Variants in SELP observed in about 807,000 individuals in gnomAD.
SELP encodes selectin P.
In SELP, 92 loss-of-function variants were observed where a neutral mutation model predicts 104.1. That is an observed-to-expected ratio of 0.88 (90% CI 0.75 to 1.05). The LOEUF (loss-of-function observed/expected upper bound fraction) is 1.05, where lower values mean the gene tolerates loss of function less well. SELP is among the 50% of genes least tolerant of loss of function. SELP has a pLI of 0.00. For synonymous variants in SELP, 397 were observed against 364.5 expected (o/e 1.09, Z -1.01); for missense variants, 1,022 against 1,017.3 (o/e 1.00, Z -0.06).
At chr1:169,620,943 G>T (rs1663079517) in intron 1 of SELP, among the ~76,000 whole-genome samples, 1 of 139,616 alleles carries the variant, frequency 7.2e-6, no homozygotes, top group Non-Finnish European at 1.6e-5. Flanking sequence ...GGGACAGTGT[G>T]GGGTTCTGTG....
At chr1:169,607,657 G>A (rs1295981692) in intron 8 of SELP, among the ~76,000 whole-genome samples, 2 of 152,134 alleles carry the variant, frequency 1.3e-5, no homozygotes, top group African/African-American at 2.4e-5. Context: ...TCTCAAAGAT[G>A]TAAAATAAAT....
At chr1:169,622,118 T>C (rs899600705) in intron 1 of SELP, among the ~76,000 whole-genome samples, 1 of 152,268 alleles carries the variant, frequency 6.6e-6, no homozygotes, top group Non-Finnish European at 1.5e-5. Flanking sequence ...ATTTCTTATT[T>C]ATTCCAGAGC....
Position 169,605,416 on chromosome 1 carries a change from GTTCATTCA to G in SELP, c.1519+1525_1519+1532del, listed in dbSNP as rs3917762. ...AATTCTGCTGTTTGCTTGTCCATTT[GTTCATTCA>G]TTCATTCATTCATTCATTCATTCAT... On this transcript the variant is annotated intron_variant, in intron 9 of 16. Transcript: ENST00000263686. Among the ~76,000 whole-genome samples, 78 of 148,430 alleles carry G rather than the reference GTTCATTCA, an allele frequency of 5.3e-4. No individual in the cohort carries two copies. The East Asian group carries it at 8.6e-3, about 16-fold the overall frequency.
intron 12 of SELP, among the ~76,000 whole-genome samples, chr1:169,595,188 C>A (rs1054277536): frequency 3.3e-5 from 5 of 152,122 alleles, no homozygotes; most frequent in South Asian, 2.1e-4. Context: ...TCTTAAAATA[C>A]TGTTAGTCTA....
intron 8 of SELP, among the ~76,000 whole-genome samples, chr1:169,607,575 A>C (rs1179177389): frequency 6.6e-6 from 1 of 152,154 alleles, no homozygotes; most frequent in Non-Finnish European, 1.5e-5. Flanking sequence ...TTAACTTGTA[A>C]AGATAGGAGA....
intron 3 of SELP, among the ~76,000 whole-genome samples, chr1:169,616,505 G>T (rs915451673): frequency 1.3e-5 from 2 of 152,122 alleles, no homozygotes; most frequent in African/African-American, 2.4e-5. Context: ...GACTAAATTT[G>T]ACTAATATTA....
intron 8 of SELP, among the ~76,000 whole-genome samples, chr1:169,608,018 G>A (rs111275916): frequency 6.6e-6 from 1 of 152,026 alleles, no homozygotes; most frequent in Non-Finnish European, 1.5e-5. Context: ...CTTATGATCC[G>A]TTTTAAGTGT....
At position 169,607,073 on chromosome 1, in the gene SELP, G is replaced by T. The variant is rs148376334; in HGVS notation, c.1395C>A (p.Phe465Leu). ...NEARVNCSHP[F>L]GAFRYQSVCS... Reference sequence around the variant, plus strand: ...AGACTGACTGGTACCTAAAGGCACCGAAGGGGTGGGAGCAGTTCACCCGGG... The same window carrying T: ...AGACTGACTGGTACCTAAAGGCACCTAAGGGGTGGGAGCAGTTCACCCGGG... Residue 465 changes from phenylalanine to leucine, a missense_variant, in exon 9 of 17, where the codon TTC (phenylalanine) becomes TTA (leucine). Phe to Leu is a conservative substitution (Grantham distance 22). Transcript: ENST00000263686. 9.9e-6 allele frequency: 16 copies of T among 1,613,054 alleles called. No individual in the cohort carries two copies. In the East Asian group the frequency reaches 2.2e-4, roughly 22 times the overall value.
intron 10 of SELP, among the ~76,000 whole-genome samples, chr1:169,598,833 G>T (rs1661756921): frequency 6.6e-6 from 1 of 152,114 alleles, no homozygotes; most frequent in South Asian, 2.1e-4. Context: ...ATACAGTAAT[G>T]AATACAATTT....
At chr1:169,617,992 C>T (rs1290197637) in intron 2 of SELP, among the ~76,000 whole-genome samples, 2 of 152,196 alleles carry the variant, frequency 1.3e-5, no homozygotes, top group East Asian at 3.8e-4. Flanking sequence ...TTCTCCATGG[C>T]TTTCCCAGGT....
chr1:169,591,424 A>ACCT lies in SELP; in HGVS notation c.2437_2438+1dup. 2 of 1,580,794 alleles carry ACCT rather than the reference A, an allele frequency of 1.3e-6. No individual in the cohort carries two copies. Among genetic ancestry groups the ACCT allele is most frequent in the Non-Finnish European group, 8.6e-7 (1 of 1,162,104 alleles). ...CTCAATCATAAAACATTTCTACCTT[A>ACCT]CCTGTGAGGATTCAAGGGGCATTTC... is the stretch of plus-strand genomic sequence containing the variant. On this transcript the variant is annotated splice_donor_variant, in intron 15 of 16. Transcript: ENST00000263686. LOFTEE classifies it high-confidence loss of function.
Position 169,607,058 on chromosome 1 carries a change from G to A in SELP, c.1410C>T (p.Tyr470=). Residue 470 remains tyrosine, a synonymous_variant, in exon 9 of 17, where the codon TAC becomes TAT. Transcript: ENST00000263686. ...TGCAGGTGAAGCTGCAGACTGACTG[G>A]TACCTAAAGGCACCGAAGGGGTGGG... ...NCSHPFGAFR[Y]QSVCSFTCNE... The A allele has an allele frequency of 4.3e-6, 7 of 1,613,432 alleles. No individual in the cohort carries two copies. The highest frequency in any genetic ancestry group is 5.9e-6 in the Non-Finnish European group (7 of 1,179,468).
intron 9 of SELP, among the ~76,000 whole-genome samples, chr1:169,605,596 G>C (rs1018540777): frequency 4.6e-5 from 7 of 152,058 alleles, no homozygotes; most frequent in Non-Finnish European, 1.0e-4. Context: ...AATGTTGAAA[G>C]TCTATACAAA....
intron 13 of SELP, 64 bp from the exon 14 acceptor site, chr1:169,593,788 C>T: frequency 6.4e-7 from 1 of 1,569,032 alleles, no homozygotes; most frequent in African/African-American, 1.4e-5. Flanking sequence ...ACTAGTCTTT[C>T]TCTCCCAGAA....
Position 169,593,523 on chromosome 1 carries a change from G to T in SELP, c.2407+82C>A. 3 of 1,253,968 alleles carry T rather than the reference G, an allele frequency of 2.4e-6. 1 individual carries two copies. The highest frequency in any genetic ancestry group is 2.8e-5 in the South Asian group (2 of 71,618). 77.7% of individuals were successfully genotyped at this position (1,253,968 alleles called of 1,614,324 possible). On this transcript the variant is annotated intron_variant, in intron 14 of 16. Coordinates refer to ENST00000263686, the MANE Select transcript of SELP (RefSeq NM_003005.4). The stretch of plus-strand genomic sequence containing the variant: ...ATGAACTACTGAAGTTGTGGTTTTT[G>T]CCTCCCCACCCTAAATTACATAAAT...
intron 10 of SELP, among the ~76,000 whole-genome samples, chr1:169,598,972 G>T (rs1195480242): frequency 6.6e-6 from 1 of 152,168 alleles, no homozygotes; most frequent in Non-Finnish European, 1.5e-5. Context: ...AAATTCATTT[G>T]GGGGATAGTG....
In SELP at chr1:169,613,608, G is replaced by A; in HGVS notation, c.567C>T (p.Phe189=). ...GNYTCSCYPG[F]YGPECEYVRE... is the part of the protein sequence containing the mutation. The stretch of plus-strand genomic sequence containing the variant: ...CACCGTATTCACATTCTGGCCCATA[G>A]AATCCAGGGTAACAGGAGCAGGTGT... The change falls in exon 4 of 17, where the codon TTC becomes TTT. Residue 189 remains phenylalanine, a synonymous_variant. Transcript: ENST00000263686. The A allele has an allele frequency of 3.7e-6, 6 of 1,613,830 alleles. No homozygotes were observed. Among genetic ancestry groups the A allele is most frequent in the Non-Finnish European group, 5.1e-6 (6 of 1,179,760 alleles).
At position 169,613,132 on chromosome 1, in the gene SELP, G is replaced by C. The variant is rs773361848; in HGVS notation, c.590-18C>G. 7.0e-6 allele frequency: 11 copies of C among 1,560,728 alleles called. 1 individual carries two copies. In the South Asian group the frequency reaches 1.2e-4, roughly 17 times the overall value. ...CTCTCTCACTGCAGGAGACAAAATAGTGATTTTTATTTTCCATGTAGAATT... is the reference window on the plus strand; with the variant it reads ...CTCTCTCACTGCAGGAGACAAAATACTGATTTTTATTTTCCATGTAGAATT... On this transcript the variant is annotated intron_variant, in intron 4 of 16. Transcript: ENST00000263686.
At chr1:169,596,327 T>G (rs2205896) in intron 11 of SELP, among the ~76,000 whole-genome samples, 193 bp from the exon 12 acceptor site, 105,512 of 152,126 alleles carry the variant, frequency 0.69, 38,081 homozygotes, top group East Asian at 0.96. Context: ...TTATTAAAAA[T>G]CATCCTTGAG....
Sources: gnomAD v4.1 joint callset for allele counts (sites outside exome capture counted in the v4.1 genomes callset) on GRCh38, gnomAD v4.1.1 for gene constraint, MANE v1.5 for transcripts, NCBI Gene and HGNC (gene_info 2026-07-23, HGNC 2026-07-21) for gene names.